Variants in AHCYL2 observed in about 807,000 individuals in gnomAD.
AHCYL2 encodes S-adenosylhomocysteine hydrolase-like protein 2.
AHCYL2 carries 28 observed loss-of-function variants against 81.4 expected under a neutral mutation model. The observed-to-expected ratio is 0.34, with a 90% confidence interval of 0.25 to 0.47. The LOEUF (loss-of-function observed/expected upper bound fraction) is 0.47, where lower values mean the gene tolerates loss of function less well. Among genes scored for constraint, AHCYL2 ranks in the 20% least tolerant of loss-of-function variants. The pLI is 1.00. For synonymous variants in AHCYL2, 272 were observed against 290.2 expected, an observed-to-expected ratio of 0.94 and a Z score of 0.64; for missense variants, 551 against 785.1, an observed-to-expected ratio of 0.70 and a Z score of 3.56.
chr7:129,400,145 C>T (rs948434491), intron 5 of AHCYL2, 145 bp from the exon 6 acceptor site: 20 of 653,668 alleles, frequency 3.1e-5, no homozygotes, highest in Middle Eastern at 3.5e-4. Context: ...CTGAAGGCAA[C>T]GCCAATCAGT....
chr7:129,273,776 C>G (rs1458158870), intron 1 of AHCYL2, among the ~76,000 whole-genome samples: 1 of 152,152 alleles, frequency 6.6e-6, no homozygotes, highest in Non-Finnish European at 1.5e-5. Context: ...ACAGTAGCCT[C>G]ACATAAGACT....
At chr7:129,349,962 C>A (rs1231790483) in intron 1 of AHCYL2, among the ~76,000 whole-genome samples, 1 of 152,146 alleles carries the variant, frequency 6.6e-6, no homozygotes, top group Non-Finnish European at 1.5e-5. Context: ...TTATGAAAAA[C>A]CAATCTGCAT....
intron 1 of AHCYL2, among the ~76,000 whole-genome samples, chr7:129,248,520 T>C (rs1239309495): frequency 6.6e-6 from 1 of 151,992 alleles, no homozygotes; most frequent in Admixed American, 6.6e-5. Flanking sequence ...CTTTTTTTTT[T>C]TTAAATATTT....
intron 1 of AHCYL2, among the ~76,000 whole-genome samples, chr7:129,265,116 G>A (rs1400619566): frequency 1.3e-5 from 2 of 152,214 alleles, no homozygotes; most frequent in African/African-American, 4.8e-5. Context: ...CAAGATTGGT[G>A]TGATGGCTCC....
chr7:129,422,989 T>C, intron 13 of AHCYL2, 51 bp downstream of exon 13: 1 of 1,505,294 alleles, frequency 6.6e-7, no homozygotes. Flanking sequence ...GAGACTGCAA[T>C]ACCCAGGTCC....
In AHCYL2 at chr7:129,419,576, C is replaced by T. The variant is rs539212565; in HGVS notation, c.1462-3264C>T. On this transcript the variant is annotated intron_variant, in intron 12 of 16. Coordinates refer to ENST00000325006, the MANE Select transcript of AHCYL2 (RefSeq NM_015328.4). This position sits in a 1 kb window ranked among gnomAD's most constrained non-coding sequence, Gnocchi z 4.7. Reference sequence around the variant, plus strand: ...CTCAGAAAAAAGCAGACCTGCTTACCCATGTGTATCACATAGAAGGCCTGT... The same window carrying T: ...CTCAGAAAAAAGCAGACCTGCTTACTCATGTGTATCACATAGAAGGCCTGT... Among the ~76,000 whole-genome samples the T allele has an allele frequency of 6.6e-6, 1 of 152,104 alleles. No homozygotes were observed. The highest frequency in any genetic ancestry group is 1.5e-5 in the Non-Finnish European group (1 of 67,970).
At position 129,424,915 on chromosome 7, in the gene AHCYL2, T is replaced by C; in HGVS notation, c.1602T>C (p.Phe534=). 6.2e-7 allele frequency: 1 copy of C among 1,613,748 alleles called. No individual in the cohort carries two copies. Among genetic ancestry groups the C allele is most frequent in the Non-Finnish European group, 8.5e-7 (1 of 1,180,002 alleles). The change falls in exon 14 of 17, where the codon TTT becomes TTC. Residue 534 remains phenylalanine, a synonymous_variant. Transcript: ENST00000325006. ...LNLSCSTVPT[F]VLSITATTQA... ...TTAGCTGCTCCACAGTGCCTACATT[T>C]GTGCTCTCAATCACTGCTACTACTC...
intron 1 of AHCYL2, among the ~76,000 whole-genome samples, chr7:129,351,882 G>A (rs1793577591): frequency 1.3e-5 from 2 of 152,080 alleles, no homozygotes; most frequent in South Asian, 4.1e-4. Context: ...TTGCACTAAT[G>A]GTATATAAGC....
intron 1 of AHCYL2, among the ~76,000 whole-genome samples, chr7:129,360,569 C>T (rs1793897700): frequency 6.6e-6 from 1 of 152,216 alleles, no homozygotes; most frequent in Non-Finnish European, 1.5e-5. Flanking sequence ...ATTATAGTAT[C>T]AATGCTGACA....
At chr7:129,413,957 A>G (rs2150954074) in intron 12 of AHCYL2, among the ~76,000 whole-genome samples, 1 of 152,354 alleles carries the variant, frequency 6.6e-6, no homozygotes, top group African/African-American at 2.4e-5. Flanking sequence ...TTTAGGATTG[A>G]GAGCAAGATA....
At chr7:129,338,151 GATGTATGC>G (rs1793023995) in intron 1 of AHCYL2, among the ~76,000 whole-genome samples, 1 of 151,996 alleles carries the variant, frequency 6.6e-6, no homozygotes. Context: ...TGATTCCAAG[GATGTATGC>G]ATTGTACTTT....
At chr7:129,246,692 T>C (rs1270285820) in intron 1 of AHCYL2, among the ~76,000 whole-genome samples, 6 of 152,092 alleles carry the variant, frequency 3.9e-5, no homozygotes, top group Non-Finnish European at 7.3e-5. Context: ...AGATGGGATA[T>C]CATCTTGTTG....
chr7:129,330,745 G>A (rs969812084), intron 1 of AHCYL2, among the ~76,000 whole-genome samples: 1 of 151,932 alleles, frequency 6.6e-6, no homozygotes, highest in Non-Finnish European at 1.5e-5. Context: ...ACAGGCGTGA[G>A]CCACCACGCC....
intron 15 of AHCYL2, 83 bp downstream of exon 15, chr7:129,425,224 C>T: frequency 8.1e-7 from 1 of 1,241,350 alleles, no homozygotes; most frequent in Admixed American, 1.8e-5. Flanking sequence ...CATTAACTTA[C>T]TTAAGGATGG....
intron 2 of AHCYL2, among the ~76,000 whole-genome samples, chr7:129,383,134 C>G (rs1795040989): frequency 6.6e-6 from 1 of 151,812 alleles, no homozygotes; most frequent in Middle Eastern, 3.4e-3. Context: ...AGTCCTTTCA[C>G]TTGAATGTTT....
At chr7:129,317,579 C>T (rs960673374) in intron 1 of AHCYL2, among the ~76,000 whole-genome samples, 2 of 152,310 alleles carry the variant, frequency 1.3e-5, no homozygotes, top group South Asian at 4.1e-4. Context: ...TGCTTGTTAG[C>T]AGAATCCCGT....
At chr7:129,331,166 G>A (rs1289877751) in intron 1 of AHCYL2, among the ~76,000 whole-genome samples, 1 of 152,072 alleles carries the variant, frequency 6.6e-6, no homozygotes, top group Non-Finnish European at 1.5e-5. Flanking sequence ...TATTTTTAAT[G>A]TATAAAACTC....
At chr7:129,260,800 T>A (rs1471656943) in intron 1 of AHCYL2, among the ~76,000 whole-genome samples, 1 of 152,210 alleles carries the variant, frequency 6.6e-6, no homozygotes, top group African/African-American at 2.4e-5. Context: ...TTCAATTTTT[T>A]TTTTTTGAGA....
rs188600822 is a variant in AHCYL2, at chr7:129,278,920, C to G, written c.363+53481C>G. ...TTGGACTTTCTTCTGTTCCATTGAT[C>G]TGTTTGTCTAACTTGACACAACTAC... On this transcript the variant is annotated intron_variant, in intron 1 of 16. Coordinates refer to ENST00000325006, the MANE Select transcript of AHCYL2 (RefSeq NM_015328.4). Among the ~76,000 whole-genome samples, 777 of 152,246 alleles carry G rather than the reference C, an allele frequency of 5.1e-3. 11 individuals carry two copies. The highest frequency in any genetic ancestry group is 0.018 in the African/African-American group (743 of 41,540).
Sources: gnomAD v4.1 joint callset for allele counts (sites outside exome capture counted in the v4.1 genomes callset) on GRCh38, gnomAD v4.1.1 for gene constraint, Gnocchi (gnomAD v3.1) non-coding constraint, MANE v1.5 for transcripts, NCBI Gene and HGNC (gene_info 2026-07-23, HGNC 2026-07-21) for gene names.